MATR3: variants seen among roughly 807,000 people sequenced by gnomAD.
The protein encoded by MATR3 is matrin-3.
In MATR3, 4 loss-of-function variants were observed where a neutral mutation model predicts 85.5. That is an observed-to-expected ratio of 0.05 (90% CI 0.02 to 0.11). MATR3 has a LOEUF of 0.11. Among genes scored for constraint, MATR3 ranks in the 10% least tolerant of loss-of-function variants. The pLI, the probability that MATR3 is intolerant of heterozygous loss-of-function variation, is 1.00. For synonymous variants in MATR3, 336 were observed against 343.1 expected, an observed-to-expected ratio of 0.98 and a Z score of 0.23; for missense variants, 685 against 1,016.1, an observed-to-expected ratio of 0.67 and a Z score of 4.43.
upstream of MATR3, among the ~76,000 whole-genome samples, chr5:139,290,106 C>T (rs2151903452): frequency 6.6e-6 from 1 of 152,230 alleles, no homozygotes; most frequent in Non-Finnish European, 1.5e-5. Context: ...CACTAAGTTT[C>T]CTTTGCTATA....
At chr5:139,292,549 AC>A (rs1375665467), upstream of MATR3, among the ~76,000 whole-genome samples, 2 of 152,162 alleles carry the variant, frequency 1.3e-5, no homozygotes, top group African/African-American at 2.4e-5. Context: ...CGGGTACCTA[AC>A]CAGTACCTCA....
At chr5:139,314,891 G>T (rs1755164720) in intron 3 of MATR3, 155 bp downstream of exon 3, 1 of 672,026 alleles carries the variant, frequency 1.5e-6, no homozygotes, top group African/African-American at 1.8e-5. Flanking sequence ...AAAATGTTTA[G>T]ATCTGGAAAT....
chr5:139,291,627 C>T (rs1281284902), upstream of MATR3, among the ~76,000 whole-genome samples: 1 of 152,194 alleles, frequency 6.6e-6, no homozygotes, highest in Non-Finnish European at 1.5e-5. Flanking sequence ...CAACCTCCGC[C>T]TCCCGGGTTC....
chr5:139,289,250 T>G (rs1753799449), upstream of MATR3, among the ~76,000 whole-genome samples: 1 of 152,216 alleles, frequency 6.6e-6, no homozygotes, highest in Admixed American at 6.5e-5. Context: ...ACTTTCACAA[T>G]GGCTATTTAA....
intron 1 of MATR3, chr5:139,294,735 G>T (rs1214698626): frequency 6.6e-6 from 1 of 152,186 alleles, no homozygotes; most frequent in Non-Finnish European, 1.5e-5. Flanking sequence ...CCGGTTTCCA[G>T]ACAAAGGGTT....
At chr5:139,288,082 G>A (rs1380751128) in intron 3 of MATR3, among the ~76,000 whole-genome samples, 2 of 152,012 alleles carry the variant, frequency 1.3e-5, no homozygotes, top group African/African-American at 2.4e-5. Flanking sequence ...TGGGTTTGGC[G>A]GCGCGCTTCT....
rs760040641 is a variant in MATR3 at position 139,307,905 on chromosome 5, TCTG to T, written c.493_495del (p.Ala165del). 12 of 1,614,106 alleles carry T rather than the reference TCTG, an allele frequency of 7.4e-6. No individual in the cohort carries two copies. In the South Asian group the frequency reaches 1.2e-4, roughly 16 times the overall value. On this transcript the variant is annotated inframe_deletion, in exon 2 of 15. Transcript: ENST00000394805. This position sits in a 1 kb window ranked among gnomAD's most constrained non-coding sequence, Gnocchi z 4.4. ...CTTGAGTTATGGTAGAGATGGCAGA[TCTG>T]CTACACGGGAGCCACCATACAGAGT... is the stretch of plus-strand genomic sequence containing the variant.
upstream of MATR3, among the ~76,000 whole-genome samples, chr5:139,289,039 C>T (rs1232339795): frequency 6.6e-6 from 1 of 152,160 alleles, no homozygotes; most frequent in Non-Finnish European, 1.5e-5. Context: ...GTCTCAGCCT[C>T]CCAAAGTGCT....
chr5:139,298,685 C>T (rs769115605), intron 1 of MATR3, among the ~76,000 whole-genome samples: 10 of 152,074 alleles, frequency 6.6e-5, no homozygotes, highest in African/African-American at 9.7e-5. Context: ...TTTTTAGATA[C>T]GTGACTGAAA....
chr5:139,280,298 T>C (rs900429855), intron 3 of MATR3, among the ~76,000 whole-genome samples: 1 of 152,248 alleles, frequency 6.6e-6, no homozygotes, highest in African/African-American at 2.4e-5. Context: ...CAGGCTGGAA[T>C]TGGCCCATAG....
chr5:139,326,123 CTTCAG>C, intron 13 of MATR3, 35 bp from the exon 14 acceptor site: 3 of 1,500,028 alleles, frequency 2.0e-6, no homozygotes, highest in Non-Finnish European at 2.8e-6. Flanking sequence ...TAAATAAAAT[CTTCAG>C]TTTAATTTGT....
chr5:139,325,253 C>A (rs780068043), intron 12 of MATR3, 187 bp from the exon 13 acceptor site: 1 of 1,548,472 alleles, frequency 6.5e-7, no homozygotes, highest in South Asian at 1.2e-5. Context: ...AGAAGGGATG[C>A]TGCAGGATAA....
Position 139,329,552 on chromosome 5 carries a change from A to G in MATR3, c.*157A>G. ...GATGTCTGTTCATGTGTTAAGTGTT[A>G]TAGCAAAAAAAATACACATATGGTT... is the stretch of plus-strand genomic sequence containing the variant. On this transcript the variant is annotated 3_prime_UTR_variant, in exon 15 of 15. Transcript: ENST00000394805. 2.9e-6 allele frequency: 2 copies of G among 678,718 alleles called. No homozygotes were observed. The highest frequency in any genetic ancestry group is 5.2e-6 in the Non-Finnish European group (2 of 383,698). 42.0% of individuals were successfully genotyped at this position (678,718 alleles called of 1,614,324 possible).
At chr5:139,304,353 AG>A (rs371193970) in intron 1 of MATR3, among the ~76,000 whole-genome samples, 53 of 152,198 alleles carry the variant, frequency 3.5e-4, no homozygotes, top group East Asian at 7.7e-4. Flanking sequence ...ATACAAAATT[AG>A]CTGGAAGTGG....
At chr5:139,319,945 TTTC>T (rs1351092052) in intron 9 of MATR3, among the ~76,000 whole-genome samples, 1 of 145,206 alleles carries the variant, frequency 6.9e-6, no homozygotes, top group African/African-American at 2.5e-5. Context: ...TTGCTTTTCT[TTTC>T]TTTTTTTTTT....
At chr5:139,302,539 A>G (rs115449775) in intron 1 of MATR3, among the ~76,000 whole-genome samples, 6 of 152,370 alleles carry the variant, frequency 3.9e-5, no homozygotes, top group African/African-American at 1.4e-4. Flanking sequence ...AATTTAATAA[A>G]TGAAGAAAAA....
chr5:139,324,568 A>C (rs1755748317), intron 12 of MATR3, among the ~76,000 whole-genome samples: 1 of 152,140 alleles, frequency 6.6e-6, no homozygotes, highest in Non-Finnish European at 1.5e-5. Context: ...TGCTGGAATT[A>C]CAGGTGTGAG....
chr5:139,293,023 G>A (rs569289867), upstream of MATR3, among the ~76,000 whole-genome samples: 5 of 152,254 alleles, frequency 3.3e-5, no homozygotes, highest in East Asian at 9.7e-4. Context: ...AGGCGGAGGC[G>A]GGAGCACTGC....
At chr5:139,313,424 A>G (rs966534767) in intron 2 of MATR3, 3 of 150,418 alleles carry the variant, frequency 2.0e-5, no homozygotes, top group African/African-American at 7.4e-5. Context: ...CAACAACCCT[A>G]TGAGACTCTT....
Sources: allele counts gnomAD v4.1 joint callset (sites outside exome capture counted in the v4.1 genomes callset), GRCh38; gene constraint gnomAD v4.1.1; non-coding constraint Gnocchi (gnomAD v3.1); transcripts MANE v1.5; gene names NCBI Gene and HGNC (gene_info 2026-07-23, HGNC 2026-07-21).